The following CCR5AS variants were observed in gnomAD, a reference collection of about 807,000 sequenced individuals.
CCR5AS encodes CCR5 antisense RNA.
At chr3:46,377,775 G>A (rs988586627) in intron 2 of CCR5AS, among the ~76,000 whole-genome samples, 6 of 151,658 alleles carry the variant, frequency 4.0e-5, no homozygotes, top group Non-Finnish European at 5.9e-5. Flanking sequence ...GTGCGATCTC[G>A]GCTCACTGCA....
intron 2 of CCR5AS, among the ~76,000 whole-genome samples, chr3:46,386,335 GCAGTCAACGTCTCAC>G (rs1701862407): frequency 6.6e-6 from 1 of 152,228 alleles, no homozygotes; most frequent in Non-Finnish European, 1.5e-5. Context: ...GACACCAGGT[GCAGTCAACGTCTCAC>G]CAGTGTTTAG....
chr3:46,383,600 C>G (rs1335686112), intron 2 of CCR5AS, among the ~76,000 whole-genome samples: 1 of 152,086 alleles, frequency 6.6e-6, no homozygotes, highest in Non-Finnish European at 1.5e-5. Flanking sequence ...TAAACCCCAC[C>G]GCCACTCTCC....
intron 1 of CCR5AS, among the ~76,000 whole-genome samples, chr3:46,400,970 A>G (rs763445030): frequency 6.6e-6 from 1 of 152,220 alleles, no homozygotes; most frequent in Non-Finnish European, 1.5e-5. Context: ...TCCTCAAGGG[A>G]CAGGAGATGG....
intron 2 of CCR5AS, among the ~76,000 whole-genome samples, chr3:46,376,890 C>T (rs1701766641): frequency 6.6e-6 from 1 of 152,118 alleles, no homozygotes; most frequent in Non-Finnish European, 1.5e-5. Context: ...GCCCGTGGTC[C>T]TATTTGGAGG....
At chr3:46,374,962 A>T (rs2106752707) in intron 2 of CCR5AS, 1 of 167,658 alleles carries the variant, frequency 6.0e-6, no homozygotes, top group East Asian at 1.9e-4. Context: ...GAGTCAGCAG[A>T]ACTGGGGTGG....
intron 1 of CCR5AS, among the ~76,000 whole-genome samples, chr3:46,396,482 C>T (rs567440408): frequency 4.6e-5 from 7 of 152,298 alleles, no homozygotes; most frequent in African/African-American, 1.7e-4. Context: ...AACCTTCCAC[C>T]TGTACAGTGG....
chr3:46,377,281 C>G (rs1402195839), intron 2 of CCR5AS, among the ~76,000 whole-genome samples: 1 of 152,216 alleles, frequency 6.6e-6, no homozygotes, highest in Non-Finnish European at 1.5e-5. Flanking sequence ...CATGCCTTTA[C>G]TCCTTGGAGT....
chr3:46,383,609 CCTA>C (rs1287793005), intron 2 of CCR5AS, among the ~76,000 whole-genome samples: 1 of 152,118 alleles, frequency 6.6e-6, no homozygotes, highest in Non-Finnish European at 1.5e-5. Flanking sequence ...CCGCCACTCT[CCTA>C]CTGTGGAGGC....
At chr3:46,400,118 C>T (rs568779462) in intron 1 of CCR5AS, among the ~76,000 whole-genome samples, 12 of 152,052 alleles carry the variant, frequency 7.9e-5, no homozygotes, top group Non-Finnish European at 1.3e-4. Flanking sequence ...CCCAGCCTCC[C>T]GGGCCTGGGA....
intron 2 of CCR5AS, among the ~76,000 whole-genome samples, chr3:46,382,150 G>A (rs899260960): frequency 1.3e-5 from 2 of 152,218 alleles, no homozygotes; most frequent in African/African-American, 4.8e-5. Flanking sequence ...GGCCAGGCAT[G>A]TTCAACATGG....
rs6776227 is a variant in CCR5AS, at chr3:46,367,624, G to A, written n.566-2579C>T. Among the ~76,000 whole-genome samples, 1,483 of 152,302 alleles carry A rather than the reference G, an allele frequency of 9.7e-3. 29 individuals carry two copies. Among genetic ancestry groups the A allele is most frequent in the African/African-American group, 0.03 (1,252 of 41,564 alleles). The stretch of plus-strand genomic sequence containing the variant: ...AGCTTGCTGTCACCCAGGTTGGAGT[G>A]CAATGGCCCAATCTTGGTTCACTGC... On this transcript the variant is annotated intron_variant and non_coding_transcript_variant, in intron 3 of 3. Transcript: ENST00000451485.
chr3:46,380,510 G>A (rs1299170845), intron 2 of CCR5AS, among the ~76,000 whole-genome samples: 1 of 152,198 alleles, frequency 6.6e-6, no homozygotes, highest in Non-Finnish European at 1.5e-5. Context: ...AGGTTGTTGA[G>A]GACCAGTGAG....
intron 2 of CCR5AS, among the ~76,000 whole-genome samples, chr3:46,379,913 TA>T (rs1701802172): frequency 6.7e-6 from 1 of 148,724 alleles, no homozygotes; most frequent in Non-Finnish European, 1.5e-5. Flanking sequence ...AATAAATAAA[TA>T]AATAAATAAA....
At chr3:46,390,258 G>T (rs562836374) in intron 2 of CCR5AS, among the ~76,000 whole-genome samples, 2 of 152,080 alleles carry the variant, frequency 1.3e-5, no homozygotes, top group Non-Finnish European at 2.9e-5. Context: ...CATCTTTGAG[G>T]TCGATAACAG....
intron 2 of CCR5AS, among the ~76,000 whole-genome samples, chr3:46,383,480 G>A (rs1432913623): frequency 1.3e-5 from 2 of 152,304 alleles, no homozygotes; most frequent in African/African-American, 4.8e-5. Flanking sequence ...AAAGCCCCAT[G>A]GGCAGGGGTG....
chr3:46,406,771 C>A (rs11574437), intron 1 of CCR5AS: 10,159 of 153,054 alleles, frequency 0.066, 1,137 homozygotes, highest in African/African-American at 0.23. Flanking sequence ...CCCACCTCTG[C>A]CCCTGGCCTT....
intron 2 of CCR5AS, among the ~76,000 whole-genome samples, chr3:46,383,356 C>T (rs893529235): frequency 2.0e-5 from 3 of 152,168 alleles, no homozygotes; most frequent in South Asian, 2.1e-4. Flanking sequence ...GGGCAGCAGG[C>T]CAATTCCCCA....
At chr3:46,375,883 A>C (rs1701750098) in intron 2 of CCR5AS, 1 of 166,958 alleles carries the variant, frequency 6.0e-6, no homozygotes, top group Admixed American at 6.5e-5. Context: ...TAAAACCATC[A>C]TAGTACAGGT....
chr3:46,395,521 A>T (rs1335103073), intron 1 of CCR5AS, among the ~76,000 whole-genome samples: 2 of 152,192 alleles, frequency 1.3e-5, no homozygotes, highest in Admixed American at 6.5e-5. Context: ...AAGTGTCAGC[A>T]ACGTCAAATG....
Sources: gnomAD v4.1 joint callset for allele counts (sites outside exome capture counted in the v4.1 genomes callset) on GRCh38, gnomAD v4.1.1 for gene constraint, MANE v1.5 for transcripts, NCBI Gene and HGNC (gene_info 2026-07-23, HGNC 2026-07-21) for gene names.